Variants in XPO5 observed in about 807,000 individuals in gnomAD.
The protein encoded by XPO5 is exportin-5.
A neutral mutation model predicts 160.6 loss-of-function variants in XPO5; 46 were observed. The ratio of observed to expected loss-of-function variants is 0.29; its 90% CI spans 0.23 to 0.37. The LOEUF (loss-of-function observed/expected upper bound fraction) is 0.37, where lower values mean the gene tolerates loss of function less well. Ranked by LOEUF, XPO5 falls within the 10% of genes least tolerant of loss-of-function variation. The probability of loss-of-function intolerance (pLI) is 1.00; values close to 1 mark genes in which losing one functional copy is unlikely to be tolerated. For synonymous variants in XPO5, 537 were observed against 519.3 expected (o/e 1.03, Z -0.46); for missense variants, 1,090 against 1,463.9 (o/e 0.74, Z 4.17).
chr6:43,551,466 C>A lies in XPO5; in HGVS notation c.1573-13G>T, dbSNP rs1561877410. 5 of 1,607,980 alleles carry A rather than the reference C, an allele frequency of 3.1e-6. No individual in the cohort carries two copies. The highest frequency in any genetic ancestry group is 1.7e-5 in the Admixed American group (1 of 58,288). ...TAACAGGAATTTCCTGTAACAAAGA[C>A]ATAAAACAGGTTGACAATGGCTGCC... On this transcript the variant is annotated splice_polypyrimidine_tract_variant and intron_variant, in intron 14 of 31. Transcript: ENST00000265351.
chr6:43,528,471 A>ACAT (rs780160815), intron 24 of XPO5, among the ~76,000 whole-genome samples: 84 of 152,220 alleles, frequency 5.5e-4, no homozygotes, highest in Admixed American at 2.1e-3. Context: ...GGGTCTCTAG[A>ACAT]CATACCTGTT....
chr6:43,567,647 C>A (rs1486015732), intron 6 of XPO5, among the ~76,000 whole-genome samples: 1 of 152,050 alleles, frequency 6.6e-6, no homozygotes, highest in Non-Finnish European at 1.5e-5. Flanking sequence ...AATACCAGCA[C>A]TTTGGGAGGC....
intron 20 of XPO5, among the ~76,000 whole-genome samples, chr6:43,543,415 T>C (rs547799115): frequency 6.6e-6 from 1 of 152,212 alleles, no homozygotes; most frequent in East Asian, 1.9e-4. Context: ...ATCGCAACAC[T>C]GCACCCCAAC....
chr6:43,531,680 A>T, intron 21 of XPO5, 105 bp from the exon 22 acceptor site: 1 of 965,310 alleles, frequency 1.0e-6, no homozygotes, highest in Non-Finnish European at 1.7e-6. Flanking sequence ...AGATGTGTGC[A>T]TGTCTGGTGC....
chr6:43,559,833 G>A (rs1762312220), intron 11 of XPO5, among the ~76,000 whole-genome samples: 1 of 152,024 alleles, frequency 6.6e-6, no homozygotes, highest in Non-Finnish European at 1.5e-5. Flanking sequence ...TGTTTCCCCC[G>A]AGACAGGGTC....
At chr6:43,567,393 G>A (rs556484079) in intron 6 of XPO5, 39 bp from the exon 7 acceptor site, 7 of 1,542,852 alleles carry the variant, frequency 4.5e-6, no homozygotes, top group East Asian at 4.6e-5. Flanking sequence ...TGAAGTCCTC[G>A]GTAACAGGTA....
intron 15 of XPO5, among the ~76,000 whole-genome samples, chr6:43,550,802 G>A (rs1795189039): frequency 6.6e-6 from 1 of 152,098 alleles, no homozygotes; most frequent in African/African-American, 2.4e-5. Context: ...CTCAGGGAGT[G>A]GCTCTATCAC....
In XPO5 at chr6:43,572,560, C is replaced by A; in HGVS notation, c.246G>T (p.Met82Ile). The change falls in exon 3 of 32, where the codon ATG becomes ATT. Residue 82 changes from methionine (M) to isoleucine (I), a missense_variant. By Grantham distance (10) the Met-to-Ile change is conservative. Coordinates refer to ENST00000265351, the MANE Select transcript of XPO5 (RefSeq NM_020750.3). ...EHVVKFRWNG[M>I]SRLEKVYLKN... Reference sequence around the variant, plus strand: ...TCAGATACACCTTCTCCAATCGAGACATGCCGTTCCACCGAAACCTGACCA... The same window carrying A: ...TCAGATACACCTTCTCCAATCGAGAAATGCCGTTCCACCGAAACCTGACCA... The A allele has an allele frequency of 6.2e-7, 1 of 1,614,002 alleles. No homozygotes were observed. The highest frequency in any genetic ancestry group is 8.5e-7 in the Non-Finnish European group (1 of 1,179,900).
chr6:43,561,442 G>C (rs780044187), intron 9 of XPO5: 2 of 156,506 alleles, frequency 1.3e-5, no homozygotes, highest in Non-Finnish European at 2.8e-5. Context: ...GCAGTGGCAC[G>C]ATCTCGGCTC....
At chr6:43,550,578 G>C (rs1384436486) in intron 15 of XPO5, among the ~76,000 whole-genome samples, 1 of 152,124 alleles carries the variant, frequency 6.6e-6, no homozygotes, top group Non-Finnish European at 1.5e-5. Context: ...AATCACTTCA[G>C]TAAGACTTCA....
At position 43,567,262 on chromosome 6, in the gene XPO5, G is replaced by A. The variant is rs371408382; in HGVS notation, c.741C>T (p.Asn247=). ...WVSMSHITAE[N]CKLLEILCLL... is the part of the protein sequence containing the mutation. ...AACACAGTATCTCCAGGAGTTTACA[G>A]TTTTCAGCAGTGATGTGACTCATAG... The change falls in exon 7 of 32, where the codon AAC becomes AAT. Residue 247 remains asparagine (N), a synonymous_variant. Transcript: ENST00000265351. The A allele has an allele frequency of 1.2e-5, 19 of 1,613,860 alleles. No individual in the cohort carries two copies. The African/African-American group carries it at 2.3e-4, about 19-fold the overall frequency.
chr6:43,565,746 A>G lies in XPO5; in HGVS notation c.835-10T>C, dbSNP rs1582243183. ...GGTCTTCCAACTTGCCCTAGACCCA[A>G]TTTTAGGGAAACATAGTCATATAAA... On this transcript the variant is annotated splice_polypyrimidine_tract_variant and intron_variant, in intron 7 of 31. Transcript: ENST00000265351. 1.3e-6 allele frequency: 2 copies of G among 1,593,174 alleles called. No individual in the cohort carries two copies. Among genetic ancestry groups the G allele is most frequent in the Non-Finnish European group, 1.7e-6 (2 of 1,170,440 alleles).
intron 1 of XPO5, among the ~76,000 whole-genome samples, chr6:43,574,516 T>C (rs1049429695): frequency 6.6e-6 from 1 of 151,584 alleles, no homozygotes; most frequent in African/African-American, 2.4e-5. Context: ...AATAAAGAAC[T>C]GATAAACATT....
chr6:43,563,995 T>C (rs1762555385), intron 8 of XPO5, among the ~76,000 whole-genome samples: 1 of 152,158 alleles, frequency 6.6e-6, no homozygotes, highest in Non-Finnish European at 1.5e-5. Flanking sequence ...CAATCCTGGC[T>C]CACTGCAACT....
chr6:43,525,546 G>C (rs1561862502), intron 28 of XPO5: 2 of 518,306 alleles, frequency 3.9e-6, no homozygotes, highest in Admixed American at 7.1e-5. Context: ...GAGAAAACCT[G>C]TATGTGTAGG....
chr6:43,528,625 G>A (rs1183765818), intron 24 of XPO5, among the ~76,000 whole-genome samples: 1 of 152,156 alleles, frequency 6.6e-6, no homozygotes, highest in Admixed American at 6.5e-5. Flanking sequence ...AACTGAAGCT[G>A]TCTTGTGGCA....
chr6:43,545,303 A>C (rs923106066), intron 20 of XPO5, among the ~76,000 whole-genome samples: 4 of 152,206 alleles, frequency 2.6e-5, no homozygotes, highest in African/African-American at 9.7e-5. Flanking sequence ...TATTCCCAGG[A>C]GAGTTTCACT....
At chr6:43,567,060 A>G (rs1762732084) in intron 7 of XPO5, 109 bp downstream of exon 7, 2 of 1,239,962 alleles carry the variant, frequency 1.6e-6, no homozygotes, top group Non-Finnish European at 2.2e-6. Context: ...GTTGGCCCCA[A>G]GGAAAAAAAC....
chr6:43,552,564 G>A (rs925414436), intron 14 of XPO5, among the ~76,000 whole-genome samples: 4 of 152,102 alleles, frequency 2.6e-5, no homozygotes, highest in African/African-American at 9.7e-5. Context: ...TGTTGGCCAG[G>A]GTGGTCTGGA....
Sources: allele counts gnomAD v4.1 joint callset (sites outside exome capture counted in the v4.1 genomes callset), GRCh38; gene constraint gnomAD v4.1.1; transcripts MANE v1.5; gene names NCBI Gene and HGNC (gene_info 2026-07-23, HGNC 2026-07-21).